Variants in TPO observed in about 807,000 individuals in gnomAD.
TPO encodes the protein thyroid peroxidase, also known as thyroid microsomal antigen.
TPO carries 78 observed loss-of-function variants against 96.9 expected under a neutral mutation model. The ratio of observed to expected loss-of-function variants is 0.81; its 90% CI spans 0.67 to 0.97. The LOEUF is 0.97. Among genes scored for constraint, TPO ranks in the 50% least tolerant of loss-of-function variants. TPO has a pLI of 0.00. For missense variants in TPO, 1,252 were observed against 1,274.8 expected, an observed-to-expected ratio of 0.98 and a Z score of 0.27; for synonymous variants, 547 against 538.0, an observed-to-expected ratio of 1.02 and a Z score of -0.23.
chr2:1,468,505 G>A lies in TPO; in HGVS notation c.820-8581G>A, dbSNP rs966669320. Among the ~76,000 whole-genome samples, 4 of 152,296 alleles carry A rather than the reference G, an allele frequency of 2.6e-5. No homozygotes were observed. In the South Asian group the frequency reaches 8.3e-4, roughly 32 times the overall value. ...GATACCACATTTTTGGTGGATAATT[G>A]TTTTGTCTGAGGAGGCTGAAGATGG... On this transcript the variant is annotated intron_variant, in intron 7 of 16. Transcript: ENST00000329066.
intron 1 of TPO, 114 bp from the exon 2 acceptor site, chr2:1,414,294 G>A: frequency 1.0e-6 from 1 of 1,003,762 alleles, no homozygotes; most frequent in Non-Finnish European, 1.5e-6. Flanking sequence ...CACTGCGGTA[G>A]AGGCTGCGTG....
chr2:1,492,987 G>A (rs1671919148), intron 10 of TPO, among the ~76,000 whole-genome samples: 1 of 152,166 alleles, frequency 6.6e-6, no homozygotes, highest in African/African-American at 2.4e-5. Flanking sequence ...GTGGGGCACA[G>A]GGAGGGGCAC....
chr2:1,456,126 AGAT>A lies in TPO; in HGVS notation c.669_671del (p.Asp224del), dbSNP rs1190089227. 7 of 1,613,974 alleles carry A rather than the reference AGAT, an allele frequency of 4.3e-6. No individual in the cohort carries two copies. The highest frequency in any genetic ancestry group is 5.9e-6 in the Non-Finnish European group (7 of 1,180,044). The stretch of plus-strand genomic sequence containing the variant: ...TTCAAGTTTCAAATGAGGTTGTCAC[AGAT>A]GATGACCGCTATTCTGACCTCCTGA... On this transcript the variant is annotated inframe_deletion, in exon 7 of 17. Coordinates refer to ENST00000329066, the MANE Select transcript of TPO (RefSeq NM_001206744.2).
intron 15 of TPO, among the ~76,000 whole-genome samples, chr2:1,537,443 CAAATCTCCCCACTGTGTGCAACCTCCT>C (rs1680022312): frequency 1.4e-5 from 1 of 70,378 alleles, no homozygotes; most frequent in African/African-American, 5.1e-5. Context: ...TGCAAACTCC[CAAATCTCCCCACTGTGTGCAACCTCCT>C]CAAATTCTTC....
chr2:1,380,160 C>T (rs1055742576), intron 1 of TPO, among the ~76,000 whole-genome samples: 12 of 151,992 alleles, frequency 7.9e-5, no homozygotes, highest in Admixed American at 1.3e-4. Context: ...TTTGGGAGGC[C>T]GAGGTGGGCG....
At position 1,532,390 on chromosome 2, in the gene TPO, C is replaced by T. The variant is rs1213919661; in HGVS notation, c.2619-8204C>T. ...CCCACAGTGCGCAACCTCCTCAAAT[C>T]CCCCACCACTGTGAGCAACCTCCCC... On this transcript the variant is annotated intron_variant, in intron 15 of 16. Transcript: ENST00000329066. 2.0e-5 allele frequency among the ~76,000 whole-genome samples: 2 copies of T among 98,908 alleles called. 1 individual carries two copies. Among genetic ancestry groups the T allele is most frequent in the Non-Finnish European group, 4.1e-5 (2 of 49,284 alleles). 64.9% of individuals were successfully genotyped at this position (98,908 alleles called of 152,430 possible). A position where few individuals can be genotyped will look rare whatever the true frequency, so the allele number is the denominator to read the frequency against.
intron 1 of TPO, chr2:1,413,856 A>G: frequency 4.0e-6 from 2 of 494,382 alleles, no homozygotes; most frequent in Non-Finnish European, 5.2e-6. Context: ...AAGAGAAGAA[A>G]ACAAGGATTT....
At chr2:1,394,957 C>T (rs567089022) in intron 1 of TPO, among the ~76,000 whole-genome samples, 3 of 152,174 alleles carry the variant, frequency 2.0e-5, no homozygotes, top group African/African-American at 7.2e-5. Context: ...CTGAGGCTTC[C>T]GCTTCCCTGC....
intron 15 of TPO, among the ~76,000 whole-genome samples, chr2:1,537,007 C>CA (rs1363926542): frequency 8.8e-5 from 9 of 102,220 alleles, no homozygotes; most frequent in African/African-American, 2.7e-4. Flanking sequence ...CTCAAATCCC[C>CA]CCACTGTGTG....
chr2:1,444,036 G>T (rs1224121401), intron 5 of TPO, among the ~76,000 whole-genome samples: 2 of 144,922 alleles, frequency 1.4e-5, no homozygotes, highest in Admixed American at 1.4e-4. Flanking sequence ...AGGGAATGGA[G>T]CTGGCTCCTT....
At chr2:1,388,446 G>A (rs1661943090) in intron 1 of TPO, among the ~76,000 whole-genome samples, 1 of 152,214 alleles carries the variant, frequency 6.6e-6, no homozygotes, top group Admixed American at 6.5e-5. Context: ...CCGCCTTGCA[G>A]TTGGATCTCA....
At chr2:1,408,201 C>T (rs569931326) in intron 1 of TPO, among the ~76,000 whole-genome samples, 2 of 152,274 alleles carry the variant, frequency 1.3e-5, no homozygotes, top group African/African-American at 4.8e-5. Context: ...TGCTGGATAT[C>T]GTTTATGTGA....
At chr2:1,536,958 C>CACCA (rs1679823370) in intron 15 of TPO, among the ~76,000 whole-genome samples, 1 of 86,652 alleles carries the variant, frequency 1.2e-5, no homozygotes, top group Non-Finnish European at 2.3e-5. Flanking sequence ...CTCAAATCCC[C>CACCA]CTGTGTGCAA....
chr2:1,485,001 G>A, intron 9 of TPO, 147 bp downstream of exon 9: 2 of 1,318,216 alleles, frequency 1.5e-6, no homozygotes, highest in Non-Finnish European at 2.1e-6. Context: ...TTGGTTTGCT[G>A]TACCCATTAA....
rs1661951800 is a variant in TPO at position 1,389,056 on chromosome 2, C to T, written n.180+14654C>T. The stretch of plus-strand genomic sequence containing the variant: ...TTTTTTGTTTGTTTGTTTTATTCTG[C>T]TGACAGCCAAATCTCTGGGGGAAAA... On this transcript the variant is annotated intron_variant and non_coding_transcript_variant, in intron 1 of 5. Coordinates refer to the TPO transcript ENST00000497517. 2.6e-5 allele frequency among the ~76,000 whole-genome samples: 4 copies of T among 152,188 alleles called. No homozygotes were observed. In the South Asian group the frequency reaches 8.3e-4, roughly 32 times the overall value.
chr2:1,528,439 CACTGTGTGCAACCTCCTCAAATCTCTCA>C (rs1378200400), intron 15 of TPO, among the ~76,000 whole-genome samples: 79 of 148,464 alleles, frequency 5.3e-4, no homozygotes, highest in Middle Eastern at 3.5e-3. Flanking sequence ...CAAATCCCCC[CACTGTGTGCAACCTCCTCAAATCTCTCA>C]ACTGTGTGCA....
chr2:1,531,108 C>T (rs1678065980), intron 15 of TPO, among the ~76,000 whole-genome samples: 1 of 75,354 alleles, frequency 1.3e-5, no homozygotes, highest in Non-Finnish European at 2.5e-5. Context: ...CTCCCCAAAT[C>T]CCCCCACTGT....
At chr2:1,531,114 AC>A in intron 15 of TPO, among the ~76,000 whole-genome samples, 1 of 24,024 alleles carries the variant, frequency 4.2e-5, no homozygotes, top group Non-Finnish European at 7.5e-5. Flanking sequence ...AAATCCCCCC[AC>A]TGTGTGCAAC....
chr2:1,519,391 G>A (rs527323509), intron 15 of TPO, among the ~76,000 whole-genome samples: 1 of 152,288 alleles, frequency 6.6e-6, no homozygotes, highest in African/African-American at 2.4e-5. Flanking sequence ...TTCTCCTCGC[G>A]AGAAGATTAT....
Sources: allele counts gnomAD v4.1 joint callset (sites outside exome capture counted in the v4.1 genomes callset), GRCh38; gene constraint gnomAD v4.1.1; transcripts MANE v1.5; gene names NCBI Gene and HGNC (gene_info 2026-07-23, HGNC 2026-07-21).